Variants in BEND7 observed in about 807,000 individuals in gnomAD.
BEND7 encodes the protein BEN domain containing 7.
In BEND7, 28 loss-of-function variants were observed where a neutral mutation model predicts 50.9. That is an observed-to-expected ratio of 0.55 (90% CI 0.41 to 0.75). BEND7 has a LOEUF of 0.75. Ranked by LOEUF, BEND7 falls within the 30% of genes least tolerant of loss-of-function variation. BEND7 has a pLI of 0.00. For synonymous variants in BEND7, 170 were observed against 183.9 expected, an observed-to-expected ratio of 0.92 and a Z score of 0.61; for missense variants, 477 against 491.3, an observed-to-expected ratio of 0.97 and a Z score of 0.28.
chr10:13,468,421 G>T (rs1448488324), intron 6 of BEND7, among the ~76,000 whole-genome samples: 2 of 152,212 alleles, frequency 1.3e-5, no homozygotes, highest in Non-Finnish European at 2.9e-5. Flanking sequence ...GAACAGTGTT[G>T]CTGGCTCACC....
In BEND7 at chr10:13,497,746, C is replaced by T. The variant is rs151085607; in HGVS notation, c.449-858G>A. Reference sequence around the variant, plus strand: ...TTCCCTCCAGCACCTGTTCACCTGACCACCATAAAATGGAGCAGTTTAGAG... The same window carrying T: ...TTCCCTCCAGCACCTGTTCACCTGATCACCATAAAATGGAGCAGTTTAGAG... On this transcript the variant is annotated intron_variant, in intron 3 of 8. Coordinates refer to ENST00000466271, the MANE Select transcript of BEND7 (RefSeq NM_001369863.1). Among the ~76,000 whole-genome samples, 738 of 152,316 alleles carry T rather than the reference C, an allele frequency of 4.8e-3. 13 individuals carry two copies. The South Asian group carries it at 0.072, about 15-fold the overall frequency.
chr10:13,517,589 C>CA (rs1201878617), intron 2 of BEND7, among the ~76,000 whole-genome samples: 1 of 151,940 alleles, frequency 6.6e-6, no homozygotes, highest in African/African-American at 2.4e-5. Context: ...GCTGTCTCTA[C>CA]AAAAAATAAA....
At chr10:13,473,770 T>TA (rs1364220283) in intron 6 of BEND7, among the ~76,000 whole-genome samples, 2 of 151,876 alleles carry the variant, frequency 1.3e-5, no homozygotes, top group African/African-American at 4.8e-5. Flanking sequence ...TCATCGCTCT[T>TA]AGACTTGGGG....
intron 2 of BEND7, among the ~76,000 whole-genome samples, chr10:13,523,170 T>G (rs1203737969): frequency 6.6e-6 from 1 of 152,234 alleles, no homozygotes; most frequent in African/African-American, 2.4e-5. Flanking sequence ...CTGGCTGAAC[T>G]GATTTAAGAG....
chr10:13,502,497 CCAAG>C (rs2077545547), intron 2 of BEND7, among the ~76,000 whole-genome samples: 1 of 152,162 alleles, frequency 6.6e-6, no homozygotes, highest in East Asian at 1.9e-4. Flanking sequence ...GAATGAACGA[CCAAG>C]CGAGATTTCA....
At chr10:13,447,140 T>C in intron 8 of BEND7, 126 bp downstream of exon 8, 1 of 881,000 alleles carries the variant, frequency 1.1e-6, no homozygotes, top group Non-Finnish European at 1.9e-6. Flanking sequence ...TGACGGGGCC[T>C]GGTCCACTGC....
At chr10:13,455,686 TGGAG>T (rs1205711929) in intron 6 of BEND7, among the ~76,000 whole-genome samples, 4 of 152,002 alleles carry the variant, frequency 2.6e-5, no homozygotes, top group African/African-American at 9.7e-5. Context: ...GGAATAGAAA[TGGAG>T]GGGCTGCCTC....
At chr10:13,462,693 A>T (rs1289098427) in intron 6 of BEND7, among the ~76,000 whole-genome samples, 1 of 152,232 alleles carries the variant, frequency 6.6e-6, no homozygotes, top group Admixed American at 6.5e-5. Flanking sequence ...AGGGTCCAGT[A>T]AACACTAATA....
At chr10:13,488,931 A>G (rs1050764347) in intron 5 of BEND7, among the ~76,000 whole-genome samples, 5 of 152,238 alleles carry the variant, frequency 3.3e-5, no homozygotes, top group African/African-American at 1.2e-4. Flanking sequence ...TTCCCTTTCT[A>G]AAAACACTAT....
At chr10:13,480,836 A>T in intron 6 of BEND7, 63 bp downstream of exon 6, 5 of 1,598,458 alleles carry the variant, frequency 3.1e-6, no homozygotes, top group Non-Finnish European at 4.3e-6. Flanking sequence ...TTTCAGCTGC[A>T]TCGTTACGGA....
At position 13,492,885 on chromosome 10, in the gene BEND7, A is replaced by G. The variant is rs528602976; in HGVS notation, c.572-9T>C. On this transcript the variant is annotated splice_polypyrimidine_tract_variant and intron_variant, in intron 4 of 8. Coordinates refer to ENST00000466271, the MANE Select transcript of BEND7 (RefSeq NM_001369863.1). ...TCTGTTTTGAGTTCCAACTGCGAAT[A>G]ATAAACAAAAATATGGTACAGGCAC... The G allele has an allele frequency of 1.1e-4, 179 of 1,593,112 alleles. 1 individual carries two copies. In the South Asian group the frequency reaches 2.0e-3, roughly 17 times the overall value.
chr10:13,464,742 C>G (rs926737853), intron 6 of BEND7, among the ~76,000 whole-genome samples: 2 of 152,162 alleles, frequency 1.3e-5, no homozygotes, highest in African/African-American at 4.8e-5. Flanking sequence ...TTAATGGGGA[C>G]AAATGTCGTT....
intron 6 of BEND7, chr10:13,480,515 C>CT (rs112536172): frequency 0.079 from 34,043 of 432,362 alleles, 9 homozygotes; most frequent in South Asian, 0.098. Flanking sequence ...TTTACTTTAT[C>CT]TTTTTTTTTT....
intron 2 of BEND7, among the ~76,000 whole-genome samples, chr10:13,513,729 C>T (rs1404502725): frequency 6.6e-6 from 1 of 152,206 alleles, no homozygotes; most frequent in African/African-American, 2.4e-5. Flanking sequence ...TTCAAAAATG[C>T]AAATCGAATT....
intron 6 of BEND7, among the ~76,000 whole-genome samples, chr10:13,459,295 T>C (rs1839719231): frequency 6.6e-6 from 1 of 152,290 alleles, no homozygotes; most frequent in African/African-American, 2.4e-5. Flanking sequence ...GCAGGGGAGC[T>C]GTGCCTGGAA....
rs2076530186 is a variant in BEND7 at position 13,489,968 on chromosome 10, A to G, written c.837+2643T>C. Among the ~76,000 whole-genome samples the G allele has an allele frequency of 3.3e-5, 5 of 152,066 alleles. No homozygotes were observed. The South Asian group carries it at 8.3e-4, about 25-fold the overall frequency. On this transcript the variant is annotated intron_variant, in intron 5 of 8. Transcript: ENST00000466271. ...GCACTGCTACAGGATTTTCCCATAT[A>G]CTCTATCTCATTTGATGCTCACAAC...
At chr10:13,500,437 G>A (rs943048099) in intron 2 of BEND7, 24 of 862,842 alleles carry the variant, frequency 2.8e-5, no homozygotes, top group South Asian at 4.3e-5. Flanking sequence ...GAACTGGACC[G>A]CGGAACCCCT....
intron 6 of BEND7, among the ~76,000 whole-genome samples, chr10:13,462,124 C>A (rs368739377): frequency 8.5e-5 from 13 of 152,206 alleles, no homozygotes; most frequent in African/African-American, 3.1e-4. Context: ...AAATAACAGG[C>A]TGATTTCAAA....
intron 2 of BEND7, among the ~76,000 whole-genome samples, chr10:13,524,503 G>C (rs1408612915): frequency 6.6e-6 from 1 of 152,016 alleles, no homozygotes; most frequent in African/African-American, 2.4e-5. Flanking sequence ...AATTAGCCAA[G>C]CGTGGTGGCA....
Sources: gnomAD v4.1 joint callset for allele counts (sites outside exome capture counted in the v4.1 genomes callset) on GRCh38, gnomAD v4.1.1 for gene constraint, MANE v1.5 for transcripts, NCBI Gene and HGNC (gene_info 2026-07-23, HGNC 2026-07-21) for gene names.